The following LRP11 variants were observed in gnomAD, a reference collection of about 807,000 sequenced individuals.
LRP11 encodes the protein LDL receptor related protein 11.
A neutral mutation model predicts 43.1 loss-of-function variants in LRP11; 25 were observed. That is an observed-to-expected ratio of 0.58 (90% CI 0.42 to 0.81). The LOEUF (loss-of-function observed/expected upper bound fraction) is 0.81, where lower values mean the gene tolerates loss of function less well. LRP11 is among the 30% of genes least tolerant of loss of function. The probability of loss-of-function intolerance (pLI) is 0.00; values close to 1 mark genes in which losing one functional copy is unlikely to be tolerated. For missense variants in LRP11, 623 were observed against 665.1 expected (o/e 0.94, Z 0.70); for synonymous variants, 316 against 299.4 (o/e 1.06, Z -0.57).
chr6:149,830,750 T>A (rs1776398482), intron 5 of LRP11, among the ~76,000 whole-genome samples: 1 of 152,164 alleles, frequency 6.6e-6, no homozygotes. Flanking sequence ...ATGCCCTTAT[T>A]CCCTGGGGAG....
intron 2 of LRP11, among the ~76,000 whole-genome samples, chr6:149,845,780 G>T (rs551529214): frequency 4.8e-5 from 3 of 62,320 alleles, no homozygotes; most frequent in African/African-American, 1.4e-4. Context: ...TGTCGGATAA[G>T]ACCAGGTCTT....
intron 1 of LRP11, among the ~76,000 whole-genome samples, chr6:149,858,482 T>C (rs981116886): frequency 8.5e-5 from 13 of 152,200 alleles, no homozygotes; most frequent in Non-Finnish European, 1.5e-5. Context: ...TCTTTGCTAT[T>C]GTGAATAGTG....
In LRP11 at chr6:149,863,402, G is replaced by C; in HGVS notation, c.613+6C>G. ...GCCAAGGCCGGCCCCTCAGTCGCGC[G>C]CTTACCCTGCCGGGGCGAGGCGCGC... On this transcript the variant is annotated splice_donor_region_variant and intron_variant, in intron 1 of 6. Coordinates refer to ENST00000239367, the MANE Select transcript of LRP11 (RefSeq NM_032832.6). 1 of 1,342,434 alleles carries C rather than the reference G, an allele frequency of 7.4e-7. No individual in the cohort carries two copies. The highest frequency in any genetic ancestry group is 2.3e-5 in the South Asian group (1 of 43,252). The allele number at this position is 1,342,434 out of a possible 1,614,324, so 83.2% of individuals were successfully genotyped here. A position where few individuals can be genotyped will look rare whatever the true frequency, so the allele number is the denominator to read the frequency against.
rs954775059 is a variant in LRP11, at chr6:149,830,847, T to C, written c.1253-4488A>G. On this transcript the variant is annotated intron_variant, in intron 5 of 6. Coordinates refer to ENST00000239367, the MANE Select transcript of LRP11 (RefSeq NM_032832.6). ...TTCAGAAGGCGCAGTTGCCCCAGAC[T>C]CTAGGATTACCCAGGAACCTGGCCC... is the stretch of plus-strand genomic sequence containing the variant. 2.0e-5 allele frequency among the ~76,000 whole-genome samples: 3 copies of C among 152,284 alleles called. 1 individual carries two copies. The South Asian group carries it at 6.2e-4, about 32-fold the overall frequency.
At chr6:149,832,097 T>C (rs907273962) in intron 5 of LRP11, among the ~76,000 whole-genome samples, 5 of 152,202 alleles carry the variant, frequency 3.3e-5, no homozygotes, top group Non-Finnish European at 7.3e-5. Context: ...TCATTGTCAA[T>C]GTGATAGGTG....
At chr6:149,836,425 T>C in intron 4 of LRP11, 128 bp from the exon 5 acceptor site, 1 of 729,450 alleles carries the variant, frequency 1.4e-6, no homozygotes, top group Non-Finnish European at 2.3e-6. Flanking sequence ...ATCTAAGACA[T>C]GTCAGAGGAC....
chr6:149,821,086 G>C (rs1297780547), intron 6 of LRP11, among the ~76,000 whole-genome samples: 1 of 151,828 alleles, frequency 6.6e-6, no homozygotes, highest in African/African-American at 2.4e-5. Context: ...GCCTGCCACT[G>C]TGCCCAGCTA....
At position 149,836,235 on chromosome 6, in the gene LRP11, C is replaced by G. The variant is rs1776469870; in HGVS notation, c.1102G>C (p.Gly368Arg). 1.2e-5 allele frequency: 19 copies of G among 1,614,206 alleles called. No individual in the cohort carries two copies. The highest frequency in any genetic ancestry group is 1.5e-5 in the Non-Finnish European group (18 of 1,180,036). Residue 368 changes from glycine to arginine, a missense_variant, in exon 5 of 7, where the codon GGG becomes CGG. Physicochemically the swap from Gly to Arg is moderately radical, Grantham distance 125 (BLOSUM62 -2). Coordinates refer to ENST00000239367, the MANE Select transcript of LRP11 (RefSeq NM_032832.6). ...TCACCCCCTGCATCTTCACTCGGCC[C>G]TGTGGTTCTTGGCAGGGCAGGACTA... ...AASPALPRTTGPSEDAGGDSL... is the reference protein window; with the variant it reads ...AASPALPRTTRPSEDAGGDSL...
rs546770855 is a variant in LRP11 at position 149,864,324 on chromosome 6, C to G, written c.-304G>C. ...GCGCGCTGGGTGGCGACGAGTCGGCCTCGGCGTTGATCAGCACCAGGTGTG... is the reference window on the plus strand; with the variant it reads ...GCGCGCTGGGTGGCGACGAGTCGGCGTCGGCGTTGATCAGCACCAGGTGTG... On this transcript the variant is annotated 5_prime_UTR_variant, in exon 1 of 7. Transcript: ENST00000239367. 8.8e-6 allele frequency: 9 copies of G among 1,021,580 alleles called. No individual in the cohort carries two copies. In the African/African-American group the frequency reaches 1.2e-4, roughly 14 times the overall value. 63.3% of individuals were successfully genotyped at this position (1,021,580 alleles called of 1,614,324 possible). A position where few individuals can be genotyped will look rare whatever the true frequency, so the allele number is the denominator to read the frequency against.
intron 1 of LRP11, among the ~76,000 whole-genome samples, chr6:149,858,063 T>A (rs1776828385): frequency 6.6e-6 from 1 of 152,208 alleles, no homozygotes; most frequent in Non-Finnish European, 1.5e-5. Context: ...ATTTTTTTAT[T>A]ATTATACTTA....
intron 5 of LRP11, among the ~76,000 whole-genome samples, chr6:149,835,792 C>A (rs1362182723): frequency 6.6e-6 from 1 of 152,078 alleles, no homozygotes; most frequent in Non-Finnish European, 1.5e-5. Context: ...CATCTCAAAA[C>A]AACCTAAAAT....
At chr6:149,830,160 A>C (rs1776391012) in intron 5 of LRP11, among the ~76,000 whole-genome samples, 1 of 151,450 alleles carries the variant, frequency 6.6e-6, no homozygotes, top group Admixed American at 6.6e-5. Flanking sequence ...GTAGGCATGC[A>C]CCACCACGCC....
chr6:149,835,257 G>A (rs1312306103), intron 5 of LRP11, among the ~76,000 whole-genome samples: 1 of 152,164 alleles, frequency 6.6e-6, no homozygotes, highest in Non-Finnish European at 1.5e-5. Flanking sequence ...GGGATTATAG[G>A]TGAGTCACTG....
At chr6:149,847,895 T>G (rs1776663006) in intron 2 of LRP11, among the ~76,000 whole-genome samples, 1 of 150,780 alleles carries the variant, frequency 6.6e-6, no homozygotes, top group South Asian at 2.1e-4. Context: ...TATACTTGGT[T>G]ACAAAGACTT....
At position 149,863,964 on chromosome 6, in the gene LRP11, G is replaced by C; in HGVS notation, c.57C>G (p.His19Gln). Residue 19 changes from histidine (H) to glutamine (Q), a missense_variant, in exon 1 of 7, where the codon CAC (histidine) becomes CAG (glutamine). Physicochemically the swap from His to Gln is conservative, Grantham distance 24. Coordinates refer to ENST00000239367, the MANE Select transcript of LRP11 (RefSeq NM_032832.6). ...GCAGTAGCAGCCCGCGCAGCGCCCC[G>C]TGACGCGGCGGTAGCCGGCGCTGCG... ...AGSQRRLPPRHGALRGLLLLC... is the reference protein window; with the variant it reads ...AGSQRRLPPRQGALRGLLLLC... The C allele has an allele frequency of 1.4e-6, 2 of 1,426,462 alleles. No homozygotes were observed. The highest frequency in any genetic ancestry group is 1.8e-6 in the Non-Finnish European group (2 of 1,096,788). The allele number at this position is 1,426,462 out of a possible 1,614,324, so 88.4% of individuals were successfully genotyped here.
At chr6:149,835,213 A>C (rs1326391098) in intron 5 of LRP11, among the ~76,000 whole-genome samples, 1 of 152,212 alleles carries the variant, frequency 6.6e-6, no homozygotes, top group East Asian at 1.9e-4. Flanking sequence ...TCTTGGCCTC[A>C]AGCAATTCTT....
intron 1 of LRP11, among the ~76,000 whole-genome samples, chr6:149,857,559 A>G (rs1776819348): frequency 6.6e-6 from 1 of 152,168 alleles, no homozygotes; most frequent in Admixed American, 6.5e-5. Context: ...CTTTCCCCAA[A>G]TAAGCCCCTT....
At chr6:149,822,807 T>G (rs1436369477) in intron 6 of LRP11, among the ~76,000 whole-genome samples, 4 of 152,218 alleles carry the variant, frequency 2.6e-5, no homozygotes, top group Admixed American at 2.0e-4. Context: ...GTGATTTTGA[T>G]GTATGATAGA....
intron 3 of LRP11, among the ~76,000 whole-genome samples, chr6:149,839,392 T>A (rs970743451): frequency 2.0e-5 from 3 of 151,740 alleles, no homozygotes; most frequent in Non-Finnish European, 4.4e-5. Flanking sequence ...TGAAGGAGAG[T>A]CAGCTCCGGC....
Sources: allele counts gnomAD v4.1 joint callset (sites outside exome capture counted in the v4.1 genomes callset), GRCh38; gene constraint gnomAD v4.1.1; transcripts MANE v1.5; gene names NCBI Gene and HGNC (gene_info 2026-07-23, HGNC 2026-07-21).